ZBTB20: variants seen among roughly 807,000 people sequenced by gnomAD.
ZBTB20 encodes zinc finger and BTB domain-containing protein 20.
A neutral mutation model predicts 56.9 loss-of-function variants in ZBTB20; 9 were observed. The observed-to-expected ratio is 0.16, with a 90% CI of 0.10 to 0.28. The LOEUF is 0.28. ZBTB20 is among the 10% of genes least tolerant of loss of function. The probability of loss-of-function intolerance (pLI) is 1.00; values close to 1 mark genes in which losing one functional copy is unlikely to be tolerated. For synonymous variants in ZBTB20, 417 were observed against 420.7 expected (o/e 0.99, Z 0.11); for missense variants, 655 against 1,003.0 (o/e 0.65, Z 4.69).
chr3:114,346,387 C>A (rs1451132355), intron 11 of ZBTB20, among the ~76,000 whole-genome samples: 2 of 151,872 alleles, frequency 1.3e-5, no homozygotes, highest in South Asian at 2.1e-4. Flanking sequence ...AAAGCTCTCA[C>A]ATGCATCATA....
chr3:114,775,241 C>CA (rs947962044), intron 5 of ZBTB20, among the ~76,000 whole-genome samples: 2 of 151,046 alleles, frequency 1.3e-5, no homozygotes, highest in East Asian at 1.9e-4. Flanking sequence ...TATGTTAGAA[C>CA]AAAAAAAATA....
chr3:114,995,584 A>T (rs2078993630), intron 2 of ZBTB20, among the ~76,000 whole-genome samples: 1 of 151,848 alleles, frequency 6.6e-6, no homozygotes, highest in Non-Finnish European at 1.5e-5. Flanking sequence ...TTTATTTAGT[A>T]ACTTTGAAAA....
chr3:114,678,429 T>C (rs2061766253), intron 6 of ZBTB20, among the ~76,000 whole-genome samples: 1 of 152,192 alleles, frequency 6.6e-6, no homozygotes, highest in Non-Finnish European at 1.5e-5. Context: ...TAACCAACTC[T>C]TCAGTCAACT....
At chr3:114,468,902 A>G (rs1440851385) in intron 7 of ZBTB20, among the ~76,000 whole-genome samples, 1 of 150,432 alleles carries the variant, frequency 6.6e-6, no homozygotes, top group Non-Finnish European at 1.5e-5. Flanking sequence ...GTCAAACTGG[A>G]GAGAACATGG....
chr3:114,795,032 G>A (rs558763952), intron 5 of ZBTB20, among the ~76,000 whole-genome samples: 21 of 151,836 alleles, frequency 1.4e-4, no homozygotes, highest in Non-Finnish European at 1.9e-4. Flanking sequence ...CAAGAAATCC[G>A]TTAACCAACA....
Position 114,948,022 on chromosome 3 carries a change from A to G in ZBTB20, c.-456+26344T>C, listed in dbSNP as rs2076941995. Among the ~76,000 whole-genome samples the G allele has an allele frequency of 1.4e-5, 2 of 145,894 alleles. 1 individual carries two copies. The highest frequency in any genetic ancestry group is 1.3e-4 in the Admixed American group (2 of 15,104). Reference sequence around the variant, plus strand: ...AACATTAAGAGAAGGTAAAATTACAAGCTAATCTCTCTTTTGAATGCAAAT... The same window carrying G: ...AACATTAAGAGAAGGTAAAATTACAGGCTAATCTCTCTTTTGAATGCAAAT... On this transcript the variant is annotated intron_variant, in intron 3 of 11. Transcript: ENST00000675478.
intron 6 of ZBTB20, among the ~76,000 whole-genome samples, chr3:114,633,052 GA>G (rs1233566350): frequency 6.6e-6 from 1 of 152,204 alleles, no homozygotes; most frequent in Admixed American, 6.5e-5. Context: ...ATTAGGTTAT[GA>G]AGGAAATGTA....
intron 1 of ZBTB20, among the ~76,000 whole-genome samples, chr3:115,136,442 T>C (rs1156668195): frequency 1.3e-5 from 2 of 152,110 alleles, no homozygotes; most frequent in Non-Finnish European, 2.9e-5. Flanking sequence ...AAATAAAGCA[T>C]GGTACCTGTT....
chr3:114,912,445 G>A (rs959278921), intron 3 of ZBTB20, among the ~76,000 whole-genome samples: 9 of 151,406 alleles, frequency 5.9e-5, no homozygotes, highest in Non-Finnish European at 1.0e-4. Context: ...TTGTTATTAG[G>A]TATACTTTTA....
At chr3:114,760,518 A>G (rs918977345) in intron 5 of ZBTB20, among the ~76,000 whole-genome samples, 3 of 152,218 alleles carry the variant, frequency 2.0e-5, no homozygotes, top group African/African-American at 7.2e-5. Context: ...TCAAACTGTT[A>G]CTAGAAGCAG....
intron 3 of ZBTB20, among the ~76,000 whole-genome samples, chr3:114,913,744 G>C (rs2075635149): frequency 6.6e-6 from 1 of 151,420 alleles, no homozygotes; most frequent in African/African-American, 2.4e-5. Flanking sequence ...AATTCATGTT[G>C]ATTTCATTTT....
chr3:115,028,828 T>C (rs1180312837), intron 2 of ZBTB20, among the ~76,000 whole-genome samples: 2 of 150,920 alleles, frequency 1.3e-5, no homozygotes, highest in African/African-American at 4.8e-5. Flanking sequence ...AACTCTTTAA[T>C]GTAATGAAGA....
At chr3:114,842,521 C>A (rs901415973) in intron 4 of ZBTB20, among the ~76,000 whole-genome samples, 2 of 152,068 alleles carry the variant, frequency 1.3e-5, no homozygotes, top group Non-Finnish European at 1.5e-5. Flanking sequence ...GGAGCTTACA[C>A]AGTAGTAAAA....
chr3:114,569,280 C>T (rs2053150642), intron 6 of ZBTB20, among the ~76,000 whole-genome samples: 1 of 152,094 alleles, frequency 6.6e-6, no homozygotes, highest in Admixed American at 6.5e-5. Flanking sequence ...ATTTTTTAGC[C>T]ATAGGAGCCA....
chr3:114,537,089 CATGACTA>C (rs1449362991), intron 6 of ZBTB20, among the ~76,000 whole-genome samples: 1 of 152,106 alleles, frequency 6.6e-6, no homozygotes. Flanking sequence ...GCAAAGACTT[CATGACTA>C]AAACACCAAA....
chr3:114,990,801 C>A (rs1165773467), intron 2 of ZBTB20, among the ~76,000 whole-genome samples: 1 of 152,054 alleles, frequency 6.6e-6, no homozygotes, highest in East Asian at 1.9e-4. Context: ...TTGGTCTATT[C>A]ACGGATTTAA....
At chr3:114,877,617 A>C (rs2076246966) in intron 4 of ZBTB20, among the ~76,000 whole-genome samples, 1 of 152,344 alleles carries the variant, frequency 6.6e-6, no homozygotes, top group South Asian at 2.1e-4. Context: ...TTAGTTTTAT[A>C]TGTAAATATT....
intron 5 of ZBTB20, among the ~76,000 whole-genome samples, chr3:114,771,313 T>A (rs1578795157): frequency 6.6e-6 from 1 of 152,202 alleles, no homozygotes; most frequent in African/African-American, 2.4e-5. Context: ...TGACTTCAAC[T>A]ATCTTGTTAG....
At chr3:114,376,535 T>C (rs75425328) in intron 10 of ZBTB20, among the ~76,000 whole-genome samples, 4,989 of 151,920 alleles carry the variant, frequency 0.033, 123 homozygotes, top group Middle Eastern at 0.085. Context: ...CTTGGGCGGG[T>C]GAAGCAAATG....
Sources: allele counts gnomAD v4.1 joint callset (sites outside exome capture counted in the v4.1 genomes callset), GRCh38; gene constraint gnomAD v4.1.1; transcripts MANE v1.5; gene names NCBI Gene and HGNC (gene_info 2026-07-23, HGNC 2026-07-21).